The following GPM6B variants were observed in gnomAD, a reference collection of about 807,000 sequenced individuals.
The protein encoded by GPM6B is glycoprotein M6B.
Under a neutral mutation model 27.2 loss-of-function variants are expected in GPM6B, and 4 were observed. The ratio of observed to expected loss-of-function variants is 0.15; its 90% CI spans 0.07 to 0.34. GPM6B has a LOEUF of 0.34. GPM6B is among the 10% of genes least tolerant of loss of function. The probability of loss-of-function intolerance (pLI) is 1.00; values close to 1 mark genes in which losing one functional copy is unlikely to be tolerated. For synonymous variants in GPM6B, 124 were observed against 103.1 expected (o/e 1.20, Z -1.23); for missense variants, 183 against 261.9 (o/e 0.70, Z 2.08).
chrX:13,928,210 C>G (rs1286165297), intron 1 of GPM6B, among the ~76,000 whole-genome samples: 1 of 112,100 alleles, frequency 8.9e-6, no homozygotes, highest in African/African-American at 3.2e-5. Context: ...GTAAGGCAGC[C>G]TGAGGCGGCT....
intron 1 of GPM6B, among the ~76,000 whole-genome samples, chrX:13,864,171 G>T (rs1158305180): frequency 8.9e-6 from 1 of 112,411 alleles, no homozygotes; most frequent in Non-Finnish European, 1.9e-5. Context: ...GAGCCTTGAG[G>T]AATCTGAAAG....
chrX:13,909,885 C>T (rs747177066), intron 1 of GPM6B, among the ~76,000 whole-genome samples: 2 of 111,759 alleles, frequency 1.8e-5, no homozygotes, highest in South Asian at 7.6e-4. Flanking sequence ...GTATCCTATA[C>T]CTGCTCAGTT....
intron 1 of GPM6B, among the ~76,000 whole-genome samples, chrX:13,910,403 C>T (rs1178005958): frequency 8.9e-6 from 1 of 112,791 alleles, no homozygotes; most frequent in Non-Finnish European, 1.9e-5. Flanking sequence ...ATGCACATTT[C>T]CCCTCATCCA....
At chrX:13,879,609 C>T (rs916011811) in intron 1 of GPM6B, among the ~76,000 whole-genome samples, 2 of 112,197 alleles carry the variant, frequency 1.8e-5, no homozygotes, top group Admixed American at 1.9e-4. Flanking sequence ...ACACAAAAGG[C>T]GTGGTTCAAA....
chrX:13,806,438 T>C (rs1198792134), intron 2 of GPM6B, among the ~76,000 whole-genome samples: 2 of 111,787 alleles, frequency 1.8e-5, no homozygotes, highest in Admixed American at 9.5e-5. Context: ...CCCTCCATAT[T>C]CTTTATAGGA....
At chrX:13,791,429 T>C (rs902435280) in intron 2 of GPM6B, among the ~76,000 whole-genome samples, 2 of 111,708 alleles carry the variant, frequency 1.8e-5, no homozygotes, top group Non-Finnish European at 3.8e-5. Flanking sequence ...CAGGCTAGAA[T>C]GCCAGGCTTT....
Position 13,771,146 on chromosome X carries a change from T to C in GPM6B, c.*1735A>G, listed in dbSNP as rs1418225028. The C allele has an allele frequency of 2.7e-5, 3 of 112,270 alleles. No homozygotes were observed. The highest frequency in any genetic ancestry group is 9.5e-5 in the Admixed American group (1 of 10,547). 9.3% of individuals were successfully genotyped at this position (112,270 alleles called of 1,213,427 possible). A position where few individuals can be genotyped will look rare whatever the true frequency, so the allele number is the denominator to read the frequency against. On this transcript the variant is annotated 3_prime_UTR_variant, in exon 8 of 8. Coordinates refer to ENST00000316715, the MANE Select transcript of GPM6B (RefSeq NM_001001995.3). ...TACAAAAATTTATACATAGCAAAAT[T>C]TAATGCTCTTTACATAAAAAATATT...
intron 1 of GPM6B, among the ~76,000 whole-genome samples, chrX:13,815,304 G>C (rs2049213379): frequency 8.9e-6 from 1 of 111,802 alleles, no homozygotes; most frequent in African/African-American, 3.2e-5. Context: ...ATCGTGATAG[G>C]CTTCCTTGGG....
chrX:13,783,055 ACT>A (rs2048547253), intron 4 of GPM6B, among the ~76,000 whole-genome samples: 1 of 112,414 alleles, frequency 8.9e-6, no homozygotes, highest in Admixed American at 9.4e-5. Flanking sequence ...AAAGGGGAGC[ACT>A]GAGACCACAT....
At chrX:13,860,143 C>T (rs371620487) in intron 1 of GPM6B, among the ~76,000 whole-genome samples, 1 of 112,222 alleles carries the variant, frequency 8.9e-6, no homozygotes, top group African/African-American at 3.2e-5. Context: ...GTTGGCCAGG[C>T]GGCTTTTACA....
chrX:13,782,809 A>G (rs2048543340), intron 4 of GPM6B, among the ~76,000 whole-genome samples: 2 of 110,166 alleles, frequency 1.8e-5, no homozygotes, highest in African/African-American at 6.6e-5. Context: ...TGAGCTGTAC[A>G]AAAACAGGTA....
At chrX:13,864,501 G>A (rs1415021314) in intron 1 of GPM6B, among the ~76,000 whole-genome samples, 1 of 112,970 alleles carries the variant, frequency 8.9e-6, no homozygotes, top group Non-Finnish European at 1.9e-5. Context: ...CACAGCAAAG[G>A]GAGTAGCTCT....
At chrX:13,819,563 T>G (rs187558358), upstream of GPM6B, among the ~76,000 whole-genome samples, 1 of 112,199 alleles carries the variant, frequency 8.9e-6, no homozygotes, top group East Asian at 2.8e-4. Context: ...AAATTGCTGA[T>G]ATTGACCAAG....
rs143635766 is a variant in GPM6B at position 13,800,052 on chromosome X, T to A, written c.181+7598A>T. Among the ~76,000 whole-genome samples the A allele has an allele frequency of 9.0e-3, 1,011 of 111,849 alleles. 11 individuals are homozygous for A. The highest frequency in any genetic ancestry group is 0.03 in the African/African-American group (929 of 30,787). The stretch of plus-strand genomic sequence containing the variant: ...GAGATGTCACTTCCCTGATTAGGTT[T>A]CAAAAAATTGACTTCTGTCCTGTTA... On this transcript the variant is annotated intron_variant, in intron 2 of 7. Transcript: ENST00000316715.
intron 1 of GPM6B, among the ~76,000 whole-genome samples, chrX:13,931,621 C>T (rs1019805459): frequency 1.8e-5 from 2 of 112,375 alleles, no homozygotes; most frequent in Non-Finnish European, 3.8e-5. Flanking sequence ...ACCCCAATAT[C>T]TTTCCATCCC....
In GPM6B at chrX:13,853,620, A is replaced by G. The variant is rs768919311; in HGVS notation, c.-197-67812T>C. Among the ~76,000 whole-genome samples the G allele has an allele frequency of 5.1e-5, 5 of 97,385 alleles. 1 individual carries two copies. The East Asian group carries it at 1.2e-3, about 23-fold the overall frequency. 84.6% of individuals were successfully genotyped at this position (97,385 alleles called of 115,157 possible). A position where few individuals can be genotyped will look rare whatever the true frequency, so the allele number is the denominator to read the frequency against. Reference sequence around the variant, plus strand: ...AAAAAAAAAAAAAAAAAAAGGGAAAAAGACACACGTGGAGTCTGGAAGAAT... The same window carrying G: ...AAAAAAAAAAAAAAAAAAAGGGAAAGAGACACACGTGGAGTCTGGAAGAAT... On this transcript the variant is annotated intron_variant, in intron 1 of 6. Transcript: ENST00000398361.
At chrX:13,803,892 T>C (rs1024818387) in intron 2 of GPM6B, among the ~76,000 whole-genome samples, 5 of 111,902 alleles carry the variant, frequency 4.5e-5, no homozygotes, top group African/African-American at 1.6e-4. Context: ...TGCCTTGGCA[T>C]TGCTTAGACA....
chrX:13,844,792 T>C (rs2049623976), intron 1 of GPM6B, among the ~76,000 whole-genome samples: 1 of 111,657 alleles, frequency 9.0e-6, no homozygotes, highest in Non-Finnish European at 1.9e-5. Flanking sequence ...TCCTAGTGTC[T>C]GAGCTATCTA....
At chrX:13,931,377 A>G (rs1292079088) in intron 1 of GPM6B, among the ~76,000 whole-genome samples, 1 of 108,000 alleles carries the variant, frequency 9.3e-6, no homozygotes, top group African/African-American at 3.4e-5. Context: ...AGTCCCAGCT[A>G]CTCCGGAGGC....
Sources: allele counts gnomAD v4.1 joint callset (sites outside exome capture counted in the v4.1 genomes callset), GRCh38; gene constraint gnomAD v4.1.1; transcripts MANE v1.5; gene names NCBI Gene and HGNC (gene_info 2026-07-23, HGNC 2026-07-21).